Variants in ABTB2 observed in about 807,000 individuals in gnomAD.
ABTB2 encodes the protein ankyrin repeat and BTB/POZ domain-containing protein 2.
In ABTB2, 56 loss-of-function variants were observed where a neutral mutation model predicts 104.1. That is an observed-to-expected ratio of 0.54 (90% CI 0.43 to 0.67). The LOEUF (loss-of-function observed/expected upper bound fraction) is 0.67, where lower values mean the gene tolerates loss of function less well. Ranked by LOEUF, ABTB2 falls within the 30% of genes least tolerant of loss-of-function variation. The probability of loss-of-function intolerance (pLI) is 0.00; values close to 1 mark genes in which losing one functional copy is unlikely to be tolerated. For missense variants in ABTB2, 1,279 were observed against 1,407.7 expected, an observed-to-expected ratio of 0.91 and a Z score of 1.46; for synonymous variants, 606 against 608.2, an observed-to-expected ratio of 1.00 and a Z score of 0.05.
At chr11:34,191,013 G>A (rs1300091076) in intron 3 of ABTB2, among the ~76,000 whole-genome samples, 1 of 152,208 alleles carries the variant, frequency 6.6e-6, no homozygotes, top group Non-Finnish European at 1.5e-5. Flanking sequence ...TGAGGCCCAG[G>A]AAGATGAGTT....
At chr11:34,164,102 T>TTTTCCAGCCCC (rs1852761922) in intron 9 of ABTB2, among the ~76,000 whole-genome samples, 3 of 43,828 alleles carry the variant, frequency 6.8e-5, no homozygotes, top group East Asian at 2.3e-3. Context: ...CTGCCAGCCC[T>TTTTCCAGCCCC]GCTTATCCAG....
chr11:34,275,662 A>G (rs1378696233), intron 1 of ABTB2, among the ~76,000 whole-genome samples: 4 of 152,154 alleles, frequency 2.6e-5, no homozygotes, highest in Non-Finnish European at 5.9e-5. Flanking sequence ...GCTTCCCTCG[A>G]GATCATTTTC....
chr11:34,164,321 T>G (rs548897273), intron 9 of ABTB2, among the ~76,000 whole-genome samples: 161 of 152,306 alleles, frequency 1.1e-3, no homozygotes, highest in African/African-American at 3.7e-3. Context: ...CGTATGCTAT[T>G]TGGACGTCCA....
chr11:34,237,580 C>T (rs1281683525), intron 1 of ABTB2, among the ~76,000 whole-genome samples: 1 of 152,078 alleles, frequency 6.6e-6, no homozygotes, highest in Non-Finnish European at 1.5e-5. Flanking sequence ...TAAATCTGGA[C>T]ATTTCCCAGT....
At chr11:34,299,653 A>T (rs1180984844) in intron 1 of ABTB2, among the ~76,000 whole-genome samples, 1 of 152,126 alleles carries the variant, frequency 6.6e-6, no homozygotes, top group African/African-American at 2.4e-5. Flanking sequence ...GGATTTTTTC[A>T]TTTGCTAACT....
chr11:34,178,618 G>A (rs1398137516), intron 3 of ABTB2, among the ~76,000 whole-genome samples: 3 of 152,198 alleles, frequency 2.0e-5, no homozygotes. Flanking sequence ...GTCGTTCCGT[G>A]CCCGAATGCA....
At chr11:34,214,272 C>A (rs894562288) in intron 1 of ABTB2, among the ~76,000 whole-genome samples, 1 of 151,962 alleles carries the variant, frequency 6.6e-6, no homozygotes, top group South Asian at 2.1e-4. Flanking sequence ...AAGAGTGGTT[C>A]GCTTGATGCT....
At chr11:34,243,426 C>T (rs1251420464) in intron 1 of ABTB2, among the ~76,000 whole-genome samples, 1 of 152,114 alleles carries the variant, frequency 6.6e-6, no homozygotes, top group Admixed American at 6.5e-5. Flanking sequence ...CGTGAGCCAC[C>T]ACGCCCAGCC....
chr11:34,179,004 AGGTG>A lies in ABTB2; in HGVS notation c.1245-5701_1245-5698del, dbSNP rs758257210. On this transcript the variant is annotated intron_variant, in intron 3 of 16. Transcript: ENST00000435224. ...GGCAGGAGAATTGCTTGAGCCCAGA[AGGTG>A]GAGGTTGCAGTGAGCCAAGATCACA... Among the ~76,000 whole-genome samples the A allele has an allele frequency of 2.7e-5, 4 of 147,552 alleles. No homozygotes were observed. The South Asian group carries it at 8.5e-4, about 31-fold the overall frequency.
At position 34,326,438 on chromosome 11, in the gene ABTB2, C is replaced by T. The variant is rs557444279; in HGVS notation, c.883+30263G>A. 5.3e-5 allele frequency among the ~76,000 whole-genome samples: 8 copies of T among 152,160 alleles called. No homozygotes were observed. The South Asian group carries it at 1.0e-3, about 20-fold the overall frequency. ...AAGAGTTCAAGACCAGCCTGCCCAA[C>T]GTGGTGAGACCCCCATCTCTACTAA... On this transcript the variant is annotated intron_variant, in intron 1 of 16. Transcript: ENST00000435224.
chr11:34,229,121 GAA>G (rs370579783), intron 1 of ABTB2, among the ~76,000 whole-genome samples: 1 of 103,774 alleles, frequency 9.6e-6, no homozygotes, highest in Non-Finnish European at 1.9e-5. Flanking sequence ...CTCCGTCTTG[GAA>G]AAAAAAAAAA....
At chr11:34,311,586 G>A (rs1854855224) in intron 1 of ABTB2, among the ~76,000 whole-genome samples, 1 of 152,218 alleles carries the variant, frequency 6.6e-6, no homozygotes, top group Non-Finnish European at 1.5e-5. Context: ...GGGAGAGAGA[G>A]AACACATAAT....
At chr11:34,246,834 TTTTTTC>T (rs953177352) in intron 1 of ABTB2, among the ~76,000 whole-genome samples, 3 of 131,918 alleles carry the variant, frequency 2.3e-5, no homozygotes, top group African/African-American at 8.9e-5. Context: ...TTTCTTTTCT[TTTTTTC>T]TTTTTTCTTT....
chr11:34,228,666 C>T (rs891352455), intron 1 of ABTB2, among the ~76,000 whole-genome samples: 2 of 152,174 alleles, frequency 1.3e-5, no homozygotes, highest in Admixed American at 6.5e-5. Context: ...CATGTGCCAC[C>T]GCACCCAGCC....
chr11:34,353,987 C>T (rs182974024), intron 1 of ABTB2, among the ~76,000 whole-genome samples: 244 of 152,342 alleles, frequency 1.6e-3, no homozygotes, highest in African/African-American at 5.4e-3. Flanking sequence ...ATGCTTCCCT[C>T]TGAAGCCAGC....
chr11:34,187,314 A>G (rs1419638281), intron 3 of ABTB2, among the ~76,000 whole-genome samples: 8 of 152,150 alleles, frequency 5.3e-5, no homozygotes, highest in African/African-American at 4.8e-5. Context: ...GACGTCACCA[A>G]CTTTAAAGAG....
intron 3 of ABTB2, among the ~76,000 whole-genome samples, chr11:34,178,314 C>CCTTTTACTTCTGAGA (rs1852981970): frequency 6.6e-6 from 1 of 152,216 alleles, no homozygotes; most frequent in East Asian, 1.9e-4. Flanking sequence ...AGAAGTAATT[C>CCTTTTACTTCTGAGA]ATGGACTTTC....
At chr11:34,203,387 A>C (rs987631807) in intron 2 of ABTB2, among the ~76,000 whole-genome samples, 1 of 152,200 alleles carries the variant, frequency 6.6e-6, no homozygotes, top group African/African-American at 2.4e-5. Context: ...TCTCCAGTGG[A>C]CCAGGGGCTG....
intron 1 of ABTB2, among the ~76,000 whole-genome samples, chr11:34,288,855 C>T (rs1002746386): frequency 1.3e-5 from 2 of 152,190 alleles, no homozygotes; most frequent in South Asian, 2.1e-4. Flanking sequence ...TTCCTCTGGA[C>T]GTTCCTGCAT....
Sources: allele counts gnomAD v4.1 joint callset (sites outside exome capture counted in the v4.1 genomes callset), GRCh38; gene constraint gnomAD v4.1.1; transcripts MANE v1.5; gene names NCBI Gene and HGNC (gene_info 2026-07-23, HGNC 2026-07-21).